Variants in MRPL50 observed in about 807,000 individuals in gnomAD.
MRPL50 encodes the protein mitochondrial ribosomal protein L50, also known as large ribosomal subunit protein mL50.
A neutral mutation model predicts 16.2 loss-of-function variants in MRPL50; 10 were observed. The ratio of observed to expected loss-of-function variants is 0.62; its 90% confidence interval spans 0.38 to 1.05. MRPL50 has a LOEUF of 1.05. MRPL50 is among the 50% of genes least tolerant of loss of function. The pLI is 0.01. For missense variants in MRPL50, 213 were observed against 187.1 expected (o/e 1.14, Z -0.81); for synonymous variants, 68 against 66.8 (o/e 1.02, Z -0.09).
At chr9:101,392,996 G>T (rs1830292327) in intron 1 of MRPL50, among the ~76,000 whole-genome samples, 1 of 152,128 alleles carries the variant, frequency 6.6e-6, no homozygotes, top group African/African-American at 2.4e-5. Context: ...ACATTAAAAT[G>T]ATCATTCACC....
At chr9:101,393,159 T>C (rs1218732113) in intron 1 of MRPL50, among the ~76,000 whole-genome samples, 1 of 152,176 alleles carries the variant, frequency 6.6e-6, no homozygotes, top group Non-Finnish European at 1.5e-5. Context: ...CAACATCCTT[T>C]CATGATAAAA....
Position 101,390,055 on chromosome 9 carries a change from A to G in MRPL50, c.*411T>C, listed in dbSNP as rs1173270764. 1 of 955,868 alleles carries G rather than the reference A, an allele frequency of 1.0e-6. No individual in the cohort carries two copies. The highest frequency in any genetic ancestry group is 1.2e-6 in the Non-Finnish European group (1 of 801,248). 59.2% of individuals were successfully genotyped at this position (955,868 alleles called of 1,614,324 possible). ...ATACTTTTATGTTTCTTTTATAGGTATCTATCTAATAAAAGTTTATTTGTG... is the reference window on the plus strand; with the variant it reads ...ATACTTTTATGTTTCTTTTATAGGTGTCTATCTAATAAAAGTTTATTTGTG... On this transcript the variant is annotated 3_prime_UTR_variant, in exon 2 of 2. Coordinates refer to ENST00000374865, the MANE Select transcript of MRPL50 (RefSeq NM_019051.3).
chr9:101,392,564 G>A (rs961154312), intron 1 of MRPL50, among the ~76,000 whole-genome samples: 4 of 151,882 alleles, frequency 2.6e-5, no homozygotes, highest in African/African-American at 9.6e-5. Context: ...TCCTAGACAC[G>A]GACAACTTAC....
intron 1 of MRPL50, among the ~76,000 whole-genome samples, chr9:101,398,056 T>C (rs16920291): frequency 0.051 from 7,787 of 152,280 alleles, 241 homozygotes; most frequent in Middle Eastern, 0.11. Flanking sequence ...AGAGTAATGC[T>C]GGCCCTAAGA....
Position 101,394,738 on chromosome 9 carries a change from G to A in MRPL50, c.92+3763C>T, listed in dbSNP as rs944351926. Among the ~76,000 whole-genome samples the A allele has an allele frequency of 2.0e-5, 3 of 152,144 alleles. No individual in the cohort carries two copies. The South Asian group carries it at 6.2e-4, about 31-fold the overall frequency. On this transcript the variant is annotated intron_variant, in intron 1 of 1. Coordinates refer to ENST00000374865, the MANE Select transcript of MRPL50 (RefSeq NM_019051.3). ...GAGATGCTTCAGGACATTGGTCTGG[G>A]CAACGACTTCTTGAGTAAGACCTCA...
intron 1 of MRPL50, among the ~76,000 whole-genome samples, chr9:101,398,060 C>T (rs1294576085): frequency 6.6e-6 from 1 of 152,002 alleles, no homozygotes; most frequent in Non-Finnish European, 1.5e-5. Flanking sequence ...TAATGCTGGC[C>T]CTAAGAAATC....
rs910294674 is a variant in MRPL50 at position 101,388,503 on chromosome 9, A to C, written c.*1963T>G. 1 of 152,162 alleles carries C rather than the reference A, an allele frequency of 6.6e-6. No homozygotes were observed. Among genetic ancestry groups the C allele is most frequent in the Non-Finnish European group, 1.5e-5 (1 of 68,008 alleles). 9.4% of individuals were successfully genotyped at this position (152,162 alleles called of 1,614,324 possible). ...ATCTTTTACACAGCAGAAGCAGGAC[A>C]TACAGCAGGCCTTCTGTATGTAAAC... On this transcript the variant is annotated 3_prime_UTR_variant, in exon 2 of 2. Coordinates refer to ENST00000374865, the MANE Select transcript of MRPL50 (RefSeq NM_019051.3).
chr9:101,394,781 A>G (rs1328728277), intron 1 of MRPL50, among the ~76,000 whole-genome samples: 3 of 152,104 alleles, frequency 2.0e-5, no homozygotes, highest in African/African-American at 7.2e-5. Context: ...AGGCAATAAG[A>G]ACAAAAATAG....
intron 1 of MRPL50, among the ~76,000 whole-genome samples, chr9:101,394,487 T>C (rs1830315423): frequency 6.6e-6 from 1 of 152,120 alleles, no homozygotes. Context: ...CACTCCCCAT[T>C]TCCTAGGCCC....
chr9:101,390,782 G>A lies in MRPL50; in HGVS notation c.161C>T (p.Pro54Leu). The change falls in exon 2 of 2, where the codon CCT becomes CTT. Residue 54 changes from proline (P) to leucine (L), a missense_variant. Transcript: ENST00000374865. ...TGGTGTGTATGCTCGGCTTCGTAAA[G>A]GTGGACACACTAGGATAGGTTCCTT... ...EKKEPILVCP[P>L]LRSRAYTPPE... 1 of 1,613,564 alleles carries A rather than the reference G, an allele frequency of 6.2e-7. No individual in the cohort carries two copies. The highest frequency in any genetic ancestry group is 8.5e-7 in the Non-Finnish European group (1 of 1,179,616).
chr9:101,393,479 A>ACG, intron 1 of MRPL50, among the ~76,000 whole-genome samples: 1 of 152,136 alleles, frequency 6.6e-6, no homozygotes, highest in Non-Finnish European at 1.5e-5. Flanking sequence ...ATATGATCTT[A>ACG]TGTATCATAC....
In MRPL50 at chr9:101,387,885, C is replaced by T. The variant is rs1830221814; in HGVS notation, c.*2581G>A. On this transcript the variant is annotated 3_prime_UTR_variant, in exon 2 of 2. Coordinates refer to ENST00000374865, the MANE Select transcript of MRPL50 (RefSeq NM_019051.3). ...TATCTCATTAAACAAGTTAGCAAGCCTAATTTAATCTTTCAGGAAAACTAA... is the reference window on the plus strand; with the variant it reads ...TATCTCATTAAACAAGTTAGCAAGCTTAATTTAATCTTTCAGGAAAACTAA... The T allele has an allele frequency of 6.6e-6, 1 of 151,976 alleles. No individual in the cohort carries two copies. Among genetic ancestry groups the T allele is most frequent in the Non-Finnish European group, 1.5e-5 (1 of 67,976 alleles). 9.4% of individuals were successfully genotyped at this position (151,976 alleles called of 1,614,324 possible). A position where few individuals can be genotyped will look rare whatever the true frequency, so the allele number is the denominator to read the frequency against.
rs1830248896 is a variant in MRPL50 at position 101,390,039 on chromosome 9, TG to T, written c.*426del. 1.1e-6 allele frequency: 1 copy of T among 947,340 alleles called. No individual in the cohort carries two copies. The allele number at this position is 947,340 out of a possible 1,614,324, so 58.7% of individuals were successfully genotyped here. On this transcript the variant is annotated 3_prime_UTR_variant, in exon 2 of 2. Transcript: ENST00000374865. The stretch of plus-strand genomic sequence containing the variant: ...GTCAGTAATACACAACATACTTTTA[TG>T]TTTCTTTTATAGGTATCTATCTAAT...
chr9:101,394,457 T>C (rs556681254), intron 1 of MRPL50, among the ~76,000 whole-genome samples: 9 of 152,170 alleles, frequency 5.9e-5, no homozygotes, highest in Non-Finnish European at 1.2e-4. Flanking sequence ...TATGATTTCA[T>C]TTCTAACCCA....
intron 1 of MRPL50, among the ~76,000 whole-genome samples, chr9:101,391,601 T>G (rs1266956333): frequency 3.9e-5 from 6 of 152,092 alleles, no homozygotes; most frequent in Non-Finnish European, 8.8e-5. Flanking sequence ...GGTCATTACA[T>G]AATCATAATG....
intron 1 of MRPL50, among the ~76,000 whole-genome samples, chr9:101,395,151 T>C (rs1203630875): frequency 6.6e-6 from 1 of 152,108 alleles, no homozygotes; most frequent in Admixed American, 6.5e-5. Context: ...AGATATACAA[T>C]GACCAACAGG....
chr9:101,394,636 T>C (rs1830317456), intron 1 of MRPL50, among the ~76,000 whole-genome samples: 1 of 152,214 alleles, frequency 6.6e-6, no homozygotes, highest in African/African-American at 2.4e-5. Flanking sequence ...TCTGCCTTGA[T>C]ACATCAGCTC....
rs1202813040 is a variant in MRPL50 at position 101,388,544 on chromosome 9, CAT to C, written c.*1920_*1921del. On this transcript the variant is annotated 3_prime_UTR_variant, in exon 2 of 2. Transcript: ENST00000374865. ...GTATGTAAACCCTTTAAAATTACAT[CAT>C]ATGTTTGATTATCTCATTCAACAAC... The C allele has an allele frequency of 3.3e-5, 5 of 152,228 alleles. No homozygotes were observed. In the South Asian group the frequency reaches 6.2e-4, roughly 19 times the overall value. The allele number at this position is 152,228 out of a possible 1,614,324, so 9.4% of individuals were successfully genotyped here. A position where few individuals can be genotyped will look rare whatever the true frequency, so the allele number is the denominator to read the frequency against.
At chr9:101,395,093 A>C (rs1465693411) in intron 1 of MRPL50, among the ~76,000 whole-genome samples, 1 of 152,198 alleles carries the variant, frequency 6.6e-6, no homozygotes, top group Non-Finnish European at 1.5e-5. Flanking sequence ...CAACAAAAAA[A>C]ACCTGATTTA....
Sources: allele counts gnomAD v4.1 joint callset (sites outside exome capture counted in the v4.1 genomes callset), GRCh38; gene constraint gnomAD v4.1.1; transcripts MANE v1.5; gene names NCBI Gene and HGNC (gene_info 2026-07-23, HGNC 2026-07-21).